Variants in SGK1 observed in about 807,000 individuals in gnomAD.
SGK1 encodes serine/threonine-protein kinase Sgk1.
A neutral mutation model predicts 64.2 loss-of-function variants in SGK1; 26 were observed. The ratio of observed to expected loss-of-function variants is 0.40; its 90% CI spans 0.30 to 0.56. SGK1 has a LOEUF of 0.56. SGK1 is among the 20% of genes least tolerant of loss of function. SGK1 has a pLI of 0.38. For missense variants in SGK1, 519 were observed against 645.6 expected (o/e 0.80, Z 2.12); for synonymous variants, 265 against 239.7 (o/e 1.11, Z -0.98).
At position 134,171,015 on chromosome 6, in the gene SGK1, T is replaced by A; in HGVS notation, c.1323+8A>T. 9.9e-6 allele frequency: 16 copies of A among 1,613,882 alleles called. No homozygotes were observed. The highest frequency in any genetic ancestry group is 1.4e-5 in the Non-Finnish European group (16 of 1,179,906). On this transcript the variant is annotated splice_region_variant and intron_variant, in intron 12 of 13. Transcript: ENST00000367858. Reference sequence around the variant, plus strand: ...GCCGGCCCAGGAGGACAGGAAAACATCACTCACGAAGTCATCCTTGGCCCC... The same window carrying A: ...GCCGGCCCAGGAGGACAGGAAAACAACACTCACGAAGTCATCCTTGGCCCC...
chr6:134,209,348 C>T (rs1775847965), intron 2 of SGK1, among the ~76,000 whole-genome samples: 3 of 152,066 alleles, frequency 2.0e-5, no homozygotes, highest in Non-Finnish European at 2.9e-5. Flanking sequence ...GCAGGAGAAT[C>T]GCTTGAACCC....
intron 1 of SGK1, among the ~76,000 whole-genome samples, chr6:134,286,474 C>A (rs1244696879): frequency 6.7e-6 from 1 of 149,062 alleles, no homozygotes; most frequent in Non-Finnish European, 1.5e-5. Context: ...AAACAAAATA[C>A]AATATTTTTT....
At chr6:134,177,880 A>AGGG in intron 3 of SGK1, 2 of 1,539,258 alleles carry the variant, frequency 1.3e-6, no homozygotes, top group Middle Eastern at 1.7e-4. Flanking sequence ...CTTTATATCA[A>AGGG]GGCAATTTAA....
At chr6:134,187,272 G>C (rs925083155) in intron 3 of SGK1, among the ~76,000 whole-genome samples, 4 of 152,166 alleles carry the variant, frequency 2.6e-5, no homozygotes, top group African/African-American at 4.8e-5. Flanking sequence ...TTAACTTCCA[G>C]TTCAATGGAA....
chr6:134,191,709 C>T (rs1457351800), intron 3 of SGK1, among the ~76,000 whole-genome samples: 2 of 151,428 alleles, frequency 1.3e-5, no homozygotes, highest in South Asian at 2.1e-4. Flanking sequence ...CACTCTGTCG[C>T]CCAGGCTGGA....
intron 2 of SGK1, chr6:134,260,838 G>A (rs796593962): frequency 6.6e-6 from 1 of 152,112 alleles, no homozygotes; most frequent in Admixed American, 6.6e-5. Context: ...AATAAAAAAG[G>A]TGAGCGGTTA....
intron 3 of SGK1, among the ~76,000 whole-genome samples, chr6:134,200,686 T>C (rs1364201912): frequency 2.0e-5 from 3 of 152,160 alleles, no homozygotes; most frequent in Non-Finnish European, 4.4e-5. Context: ...GGTGGATCAC[T>C]TGGGCTCAGG....
At chr6:134,181,856 T>G (rs572966467) in intron 3 of SGK1, among the ~76,000 whole-genome samples, 1 of 152,126 alleles carries the variant, frequency 6.6e-6, no homozygotes, top group Non-Finnish European at 1.5e-5. Flanking sequence ...CTGTGAGTTT[T>G]TTTTGTTTTG....
At chr6:134,298,233 G>A in intron 1 of SGK1, 1 of 1,572,902 alleles carries the variant, frequency 6.4e-7, no homozygotes, top group Non-Finnish European at 8.7e-7. Context: ...GCTTCTCCTG[G>A]CCCCGAGTCT....
chr6:134,233,425 A>C lies in SGK1; in HGVS notation c.286-25994T>G, dbSNP rs545776281. On this transcript the variant is annotated intron_variant, in intron 2 of 13. Transcript: ENST00000367858. The stretch of plus-strand genomic sequence containing the variant: ...TTCTGAGGATTCTCCTTTAGGTCCC[A>C]TGAGCATCAATCATTATTTCTATTG... Among the ~76,000 whole-genome samples the C allele has an allele frequency of 4.6e-5, 7 of 152,348 alleles. No homozygotes were observed. In the South Asian group the frequency reaches 1.4e-3, roughly 32 times the overall value.
chr6:134,217,124 G>C (rs1054033033), intron 2 of SGK1, among the ~76,000 whole-genome samples: 39 of 152,340 alleles, frequency 2.6e-4, no homozygotes, highest in Admixed American at 2.5e-3. Context: ...GGAGTTGACA[G>C]AGCACGAACT....
At chr6:134,219,402 A>T (rs932323428) in intron 2 of SGK1, among the ~76,000 whole-genome samples, 1 of 152,164 alleles carries the variant, frequency 6.6e-6, no homozygotes, top group Non-Finnish European at 1.5e-5. Flanking sequence ...CTCTGCAGGC[A>T]TTGGAGTTTC....
intron 1 of SGK1, among the ~76,000 whole-genome samples, chr6:134,282,915 A>G (rs1397885112): frequency 1.3e-5 from 2 of 151,828 alleles, no homozygotes; most frequent in African/African-American, 4.9e-5. Flanking sequence ...TAACTGATAC[A>G]GAGATCACAC....
chr6:134,208,582 T>C (rs1239420674), intron 2 of SGK1, among the ~76,000 whole-genome samples: 1 of 152,080 alleles, frequency 6.6e-6, no homozygotes, highest in Non-Finnish European at 1.5e-5. Flanking sequence ...TCTTTATGCC[T>C]TTGCGTCCTC....
chr6:134,175,514 G>A (rs1775203879), intron 3 of SGK1: 2 of 1,457,390 alleles, frequency 1.4e-6, no homozygotes, highest in Admixed American at 2.4e-5. Flanking sequence ...AGTGAGCCAA[G>A]CCCCCAGCGG....
At chr6:134,288,417 T>C (rs1777216891) in intron 1 of SGK1, among the ~76,000 whole-genome samples, 1 of 152,174 alleles carries the variant, frequency 6.6e-6, no homozygotes, top group African/African-American at 2.4e-5. Flanking sequence ...GTGAGATCAG[T>C]AGAAAATACG....
intron 1 of SGK1, among the ~76,000 whole-genome samples, chr6:134,292,642 A>C (rs947005095): frequency 6.6e-5 from 10 of 152,218 alleles, no homozygotes; most frequent in Non-Finnish European, 1.5e-5. Flanking sequence ...TAGGAGAAGG[A>C]ATTATTTTAC....
chr6:134,261,897 T>C (rs1373583695), intron 2 of SGK1, 36 bp downstream of exon 2: 1 of 1,499,236 alleles, frequency 6.7e-7, no homozygotes, highest in Admixed American at 1.7e-5. Context: ...CCAGAATTTT[T>C]CCAGGAGAAT....
intron 12 of SGK1, 28 bp from the exon 13 acceptor site, chr6:134,170,943 TAGAC>T (rs777974506): frequency 1.2e-5 from 19 of 1,607,570 alleles, no homozygotes; most frequent in Non-Finnish European, 1.5e-5. Context: ...AAGATTAATT[TAGAC>T]AGGTGCATTC....
Sources: gnomAD v4.1 joint callset for allele counts (sites outside exome capture counted in the v4.1 genomes callset) on GRCh38, gnomAD v4.1.1 for gene constraint, MANE v1.5 for transcripts, NCBI Gene and HGNC (gene_info 2026-07-23, HGNC 2026-07-21) for gene names.